The following CPT1A variants were observed in gnomAD, a reference collection of about 807,000 sequenced individuals.
The protein encoded by CPT1A is carnitine O-palmitoyltransferase 1, liver isoform.
A neutral mutation model predicts 100.8 loss-of-function variants in CPT1A; 64 were observed. The ratio of observed to expected loss-of-function variants is 0.63; its 90% confidence interval spans 0.52 to 0.78. The LOEUF (loss-of-function observed/expected upper bound fraction) is 0.78. Among genes scored for constraint, CPT1A ranks in the 30% least tolerant of loss-of-function variants. The pLI is 0.00. For synonymous variants in CPT1A, 363 were observed against 396.0 expected, an observed-to-expected ratio of 0.92 and a Z score of 0.99; for missense variants, 802 against 1,034.1, an observed-to-expected ratio of 0.78 and a Z score of 3.08.
chr11:68,757,781 A>C lies in CPT1A; in HGVS notation c.2236-51T>G, dbSNP rs1946720089. On this transcript the variant is annotated intron_variant, in intron 18 of 18. Transcript: ENST00000265641. ...AACCTATTAAAACGTGGCCATCCCC[A>C]CATTTCAAGCTTTTTCATTTGCAAT... 2.7e-6 allele frequency: 4 copies of C among 1,458,738 alleles called. No homozygotes were observed. In the East Asian group the frequency reaches 9.1e-5, roughly 33 times the overall value. The allele number at this position is 1,458,738 out of a possible 1,614,324, so 90.4% of individuals were successfully genotyped here. A position where few individuals can be genotyped will look rare whatever the true frequency, so the allele number is the denominator to read the frequency against.
chr11:68,805,038 C>T (rs1263297779), intron 4 of CPT1A, among the ~76,000 whole-genome samples: 2 of 152,162 alleles, frequency 1.3e-5, no homozygotes, highest in African/African-American at 4.8e-5. Context: ...GAGGGAGTGC[C>T]CTTTAGCCTG....
chr11:68,771,994 T>C (rs1270150005), intron 14 of CPT1A, among the ~76,000 whole-genome samples: 1 of 152,176 alleles, frequency 6.6e-6, no homozygotes. Flanking sequence ...AATTCAACAA[T>C]GGCACAATCG....
At chr11:68,827,883 C>G (rs113394699) in intron 1 of CPT1A, among the ~76,000 whole-genome samples, 4 of 152,302 alleles carry the variant, frequency 2.6e-5, no homozygotes, top group East Asian at 1.9e-4. Flanking sequence ...CCCACCTACA[C>G]AGCCCTGGCC....
At chr11:68,817,153 C>CTGTGTG (rs148396344) in intron 1 of CPT1A, among the ~76,000 whole-genome samples, 1 of 93,476 alleles carries the variant, frequency 1.1e-5, no homozygotes, top group African/African-American at 3.6e-5. Context: ...GTGTGTGTGT[C>CTGTGTG]TGTGTGTGTG....
rs1946672175 is a variant in CPT1A, at chr11:68,755,437, TCTCG to T, written c.*2203_*2206del. 6.5e-6 allele frequency: 1 copy of T among 154,396 alleles called. No homozygotes were observed. Among genetic ancestry groups the T allele is most frequent in the South Asian group, 2.0e-4 (1 of 4,918 alleles). 9.6% of individuals were successfully genotyped at this position (154,396 alleles called of 1,614,324 possible). A position where few individuals can be genotyped will look rare whatever the true frequency, so the allele number is the denominator to read the frequency against. ...TTTTTGCTTTTTTTTTTAGACGGAG[TCTCG>T]CTCTGTCGCCCAGGCTGGAGTGCAG... is the stretch of plus-strand genomic sequence containing the variant. On this transcript the variant is annotated 3_prime_UTR_variant, in exon 19 of 19. Transcript: ENST00000265641.
At chr11:68,788,155 TG>T (rs1210240965) in intron 9 of CPT1A, among the ~76,000 whole-genome samples, 1 of 152,074 alleles carries the variant, frequency 6.6e-6, no homozygotes. Flanking sequence ...TATGGTGGCC[TG>T]GGCAAACTTA....
rs1854868254 is a variant in CPT1A, at chr11:68,768,091, T to TTC, written c.1740+5173_1740+5174insGA. ...CTTTTTTTTTTTTTTTTTTTTTTTTTTTGAGAGGGAGTCTCGCACTGTCAC... is the reference window on the plus strand; with the variant it reads ...CTTTTTTTTTTTTTTTTTTTTTTTTTTCTTGAGAGGGAGTCTCGCACTGTCAC... On this transcript the variant is annotated intron_variant, in intron 14 of 18. Transcript: ENST00000265641. Among the ~76,000 whole-genome samples the TTC allele has an allele frequency of 3.5e-5, 5 of 142,904 alleles. No homozygotes were observed. In the South Asian group the frequency reaches 1.2e-3, roughly 33 times the overall value. The allele number at this position is 142,904 out of a possible 152,430, so 93.8% of individuals were successfully genotyped here.
upstream of CPT1A, among the ~76,000 whole-genome samples, chr11:68,842,329 C>A (rs1594386611): frequency 2.0e-5 from 3 of 152,070 alleles, no homozygotes; most frequent in East Asian, 5.8e-4. Context: ...AGCAACCGAT[C>A]CACAGGGAGT....
chr11:68,802,958 T>C (rs1034698746), intron 5 of CPT1A, among the ~76,000 whole-genome samples: 2 of 135,028 alleles, frequency 1.5e-5, no homozygotes, highest in African/African-American at 5.6e-5. Flanking sequence ...GAGGATGAAA[T>C]GACAGGCTTT....
intron 14 of CPT1A, among the ~76,000 whole-genome samples, chr11:68,772,018 G>T (rs777278042): frequency 1.3e-5 from 2 of 152,222 alleles, no homozygotes; most frequent in Non-Finnish European, 2.9e-5. Context: ...CCAAGGTTGG[G>T]GGGGCAGTGC....
rs1946689548 is a variant in CPT1A, at chr11:68,756,124, A to AT, written c.*1519_*1520insA. ...TGAAACTCCATCTCAAAAAAAAAAA[A>AT]AAAAAAAAAGGCACGTGTTCTCCGG... On this transcript the variant is annotated 3_prime_UTR_variant, in exon 19 of 19. Coordinates refer to ENST00000265641, the MANE Select transcript of CPT1A (RefSeq NM_001876.4). 1 of 153,258 alleles carries AT rather than the reference A, an allele frequency of 6.5e-6. No homozygotes were observed. The highest frequency in any genetic ancestry group is 1.4e-5 in the Non-Finnish European group (1 of 69,630). 9.5% of individuals were successfully genotyped at this position (153,258 alleles called of 1,614,324 possible).
chr11:68,799,553 A>G (rs564576279), intron 5 of CPT1A, among the ~76,000 whole-genome samples, 198 bp from the exon 6 acceptor site: 2 of 152,208 alleles, frequency 1.3e-5, no homozygotes, highest in East Asian at 3.9e-4. Flanking sequence ...GTTCAAGACC[A>G]GCCTAAACAA....
At chr11:68,838,575 A>AAAAAAAAAAAC (rs1857074271) in intron 1 of CPT1A, among the ~76,000 whole-genome samples, 2 of 140,844 alleles carry the variant, frequency 1.4e-5, no homozygotes, top group African/African-American at 5.4e-5. Context: ...ACCTTTTTAA[A>AAAAAAAAAAAC]AAAAAAAAAA....
At chr11:68,773,747 A>C in intron 13 of CPT1A, 2 of 357,686 alleles carry the variant, frequency 5.6e-6, no homozygotes, top group African/African-American at 2.1e-5. Context: ...TAAAATAATA[A>C]TAGGTCACAG....
At chr11:68,799,005 A>G (rs2154000171) in intron 6 of CPT1A, among the ~76,000 whole-genome samples, 1 of 152,236 alleles carries the variant, frequency 6.6e-6, no homozygotes, top group Non-Finnish European at 1.5e-5. Flanking sequence ...CTACAAAAAA[A>G]TCCAAAAACC....
intron 16 of CPT1A, among the ~76,000 whole-genome samples, chr11:68,761,007 C>A (rs1017232426): frequency 6.6e-6 from 1 of 151,282 alleles, no homozygotes; most frequent in African/African-American, 2.4e-5. Context: ...GGTGACAGAG[C>A]GAGACTCCAT....
At chr11:68,803,349 G>C (rs1855955394) in intron 5 of CPT1A, among the ~76,000 whole-genome samples, 1 of 152,154 alleles carries the variant, frequency 6.6e-6, no homozygotes. Context: ...GTTACTAGGT[G>C]GGGGGAGGGA....
At chr11:68,764,403 G>A (rs10160644) in intron 14 of CPT1A, among the ~76,000 whole-genome samples, 4,324 of 152,310 alleles carry the variant, frequency 0.028, 194 homozygotes, top group African/African-American at 0.095. Flanking sequence ...ACACCATGTG[G>A]CAGGCTGATA....
At chr11:68,813,846 A>G (rs1158920428) in intron 2 of CPT1A, among the ~76,000 whole-genome samples, 2 of 152,144 alleles carry the variant, frequency 1.3e-5, no homozygotes, top group Non-Finnish European at 2.9e-5. Flanking sequence ...CTAGTGCCTC[A>G]GTGAAATCTC....
Sources: gnomAD v4.1 joint callset for allele counts (sites outside exome capture counted in the v4.1 genomes callset) on GRCh38, gnomAD v4.1.1 for gene constraint, MANE v1.5 for transcripts, NCBI Gene and HGNC (gene_info 2026-07-23, HGNC 2026-07-21) for gene names.